The following LRRC9 variants were observed in gnomAD, a reference collection of about 807,000 sequenced individuals.
LRRC9 encodes leucine rich repeat containing 9.
Under a neutral mutation model 63.2 loss-of-function variants are expected in LRRC9, and 122 were observed. The ratio of observed to expected loss-of-function variants is 1.93; its 90% CI spans 1.67 to 2.24. LRRC9 has a LOEUF of 2.24. Ranked by LOEUF, LRRC9 falls within the 30% of genes most tolerant of loss-of-function variation. LRRC9 has a pLI of 0.00. For missense variants in LRRC9, 1,071 were observed against 627.7 expected, an observed-to-expected ratio of 1.71 and a Z score of -7.55; for synonymous variants, 366 against 213.1, an observed-to-expected ratio of 1.72 and a Z score of -6.25.
At chr14:59,945,677 T>A (rs1048357205) in intron 8 of LRRC9, among the ~76,000 whole-genome samples, 10 of 151,970 alleles carry the variant, frequency 6.6e-5, no homozygotes. Flanking sequence ...AAAAAATGTC[T>A]TCAACAAACA....
chr14:59,955,914 A>G (rs1173451412), intron 8 of LRRC9, among the ~76,000 whole-genome samples: 1 of 152,156 alleles, frequency 6.6e-6, no homozygotes, highest in Non-Finnish European at 1.5e-5. Flanking sequence ...ATTATTCAGG[A>G]GCAGGTTGTC....
chr14:60,024,683 A>T (rs1338916615), intron 27 of LRRC9, among the ~76,000 whole-genome samples: 1 of 152,018 alleles, frequency 6.6e-6, no homozygotes, highest in African/African-American at 2.4e-5. Context: ...TTAAAAAAAT[A>T]ATTATTTTAG....
rs913702216 is a variant in LRRC9 at position 60,060,178 on chromosome 14, G to A, written c.4276+2156G>A. Among the ~76,000 whole-genome samples, 1 of 152,130 alleles carries A rather than the reference G, an allele frequency of 6.6e-6. No homozygotes were observed. The highest frequency in any genetic ancestry group is 6.5e-5 in the Admixed American group (1 of 15,272). On this transcript the variant is annotated intron_variant, in intron 31 of 31. Coordinates refer to ENST00000445360, the Ensembl canonical transcript of LRRC9. The surrounding 1 kb of genome is among the most constrained non-coding windows in gnomAD (Gnocchi z 4.0). Reference sequence around the variant, plus strand: ...TATGCTCTATCAATGTACAAAGCTTGGATAACAGCACATCTGTTTACAGCA... The same window carrying A: ...TATGCTCTATCAATGTACAAAGCTTAGATAACAGCACATCTGTTTACAGCA...
chr14:59,990,512 C>A lies in LRRC9; in HGVS notation c.2211+5288C>A, dbSNP rs1887971083. 1.3e-5 allele frequency among the ~76,000 whole-genome samples: 2 copies of A among 151,942 alleles called. No individual in the cohort carries two copies. The highest frequency in any genetic ancestry group is 6.6e-5 in the Admixed American group (1 of 15,258). Reference sequence around the variant, plus strand: ...CCTCAACTTCCTGGGCTCAAGTGATCCCCTTGCCTCAGCCTCCTGGGTAGC... The same window carrying A: ...CCTCAACTTCCTGGGCTCAAGTGATACCCTTGCCTCAGCCTCCTGGGTAGC... On this transcript the variant is annotated intron_variant, in intron 17 of 31. Coordinates refer to ENST00000445360, the Ensembl canonical transcript of LRRC9. The surrounding 1 kb of genome is among the most constrained non-coding windows in gnomAD (Gnocchi z 4.2).
At chr14:60,040,007 C>T (rs1015561190) in intron 29 of LRRC9, among the ~76,000 whole-genome samples, 8 of 151,818 alleles carry the variant, frequency 5.3e-5, no homozygotes, top group African/African-American at 9.7e-5. Flanking sequence ...ATTTCTGCCT[C>T]CATTTTGTTA....
At chr14:59,940,042 G>A (rs1881590269) in intron 7 of LRRC9, among the ~76,000 whole-genome samples, 1 of 151,978 alleles carries the variant, frequency 6.6e-6, no homozygotes, top group Non-Finnish European at 1.5e-5. Context: ...GAAGGAGCCT[G>A]CAGAGGAGAC....
intron 1 of LRRC9, among the ~76,000 whole-genome samples, chr14:59,925,493 A>G (rs1889136087): frequency 6.6e-6 from 1 of 152,194 alleles, no homozygotes; most frequent in Non-Finnish European, 1.5e-5. Flanking sequence ...GCCATTTGGA[A>G]GGGGAGGAGC....
intron 9 of LRRC9, 23 bp downstream of exon 9, chr14:59,960,037 T>G: frequency 1.6e-6 from 1 of 630,526 alleles, no homozygotes; most frequent in Middle Eastern, 2.7e-4. Context: ...AATTATCTAG[T>G]TGTTCTGATC....
At chr14:60,016,886 TATA>T in intron 24 of LRRC9, 96 bp downstream of exon 24, 1 of 527,886 alleles carries the variant, frequency 1.9e-6, no homozygotes, top group Non-Finnish European at 3.4e-6. Flanking sequence ...CTTACCTAAA[TATA>T]ATCAATAATT....
intron 22 of LRRC9, among the ~76,000 whole-genome samples, chr14:60,007,164 G>A (rs951939861): frequency 1.3e-5 from 2 of 152,120 alleles, no homozygotes; most frequent in Non-Finnish European, 2.9e-5. Context: ...TCCTTTTGCT[G>A]ATACAATATT....
chr14:59,998,776 C>T (rs2140192209), intron 18 of LRRC9, among the ~76,000 whole-genome samples: 1 of 152,172 alleles, frequency 6.6e-6, no homozygotes, highest in South Asian at 2.1e-4. Flanking sequence ...TATTGAATCA[C>T]ACATGGAGAT....
In LRRC9 at chr14:60,058,612, G is replaced by A. The variant is rs1275513284; in HGVS notation, c.4276+590G>A. On this transcript the variant is annotated intron_variant, in intron 31 of 31. Transcript: ENST00000445360. The surrounding 1 kb of genome is among the most constrained non-coding windows in gnomAD (Gnocchi z 4.4). ...AAATTTTAGTTCAAGTTTAGAATAA[G>A]CCTGTTCCCTAATTCCACATCTTTT... 6.6e-6 allele frequency among the ~76,000 whole-genome samples: 1 copy of A among 152,144 alleles called. No individual in the cohort carries two copies. Among genetic ancestry groups the A allele is most frequent in the African/African-American group, 2.4e-5 (1 of 41,426 alleles).
At chr14:60,041,864 T>TC (rs1162634162) in intron 29 of LRRC9, among the ~76,000 whole-genome samples, 1 of 152,234 alleles carries the variant, frequency 6.6e-6, no homozygotes, top group Non-Finnish European at 1.5e-5. Context: ...CTCTGTTTTT[T>TC]CCCCATCTTT....
intron 8 of LRRC9, among the ~76,000 whole-genome samples, chr14:59,955,043 G>T (rs767593101): frequency 1.3e-5 from 2 of 152,158 alleles, no homozygotes; most frequent in Non-Finnish European, 2.9e-5. Flanking sequence ...GATTTGGTTT[G>T]CCAGTATTTT....
chr14:60,023,110 G>C (rs566723990), intron 27 of LRRC9, among the ~76,000 whole-genome samples: 1 of 151,278 alleles, frequency 6.6e-6, no homozygotes, highest in African/African-American at 2.4e-5. Context: ...CTTGTATATC[G>C]TATTCAACTT....
intron 7 of LRRC9, among the ~76,000 whole-genome samples, chr14:59,940,502 C>A (rs1028722551): frequency 1.3e-5 from 2 of 152,008 alleles, no homozygotes; most frequent in Non-Finnish European, 2.9e-5. Context: ...ACCAGGAGGA[C>A]CACCAAAGAG....
intron 29 of LRRC9, among the ~76,000 whole-genome samples, chr14:60,038,366 A>G (rs1263000022): frequency 6.6e-6 from 1 of 152,120 alleles, no homozygotes; most frequent in African/African-American, 2.4e-5. Context: ...CAGTATGGCC[A>G]TTTTCACAAT....
Position 59,927,939 on chromosome 14 carries a change from G to T in LRRC9, c.-5G>T. On this transcript the variant is annotated 5_prime_UTR_variant, in exon 2 of 32. The change abolishes an upstream ATG in the 5' untranslated region. Transcript: ENST00000445360. This position sits in a 1 kb window ranked among gnomAD's most constrained non-coding sequence, Gnocchi z 4.4. ...TAATATTATGATCACTGTTTTTAAT[G>T]GAAGATGATTGAAAGTGAAAACCTA... 1 of 672,744 alleles carries T rather than the reference G, an allele frequency of 1.5e-6. No individual in the cohort carries two copies. The highest frequency in any genetic ancestry group is 2.7e-6 in the Non-Finnish European group (1 of 372,678). The allele number at this position is 672,744 out of a possible 1,614,324, so 41.7% of individuals were successfully genotyped here.
At chr14:60,062,165 C>T (rs976759997) in intron 31 of LRRC9, 2 of 398,472 alleles carry the variant, frequency 5.0e-6, no homozygotes, top group African/African-American at 4.1e-5. Flanking sequence ...ACCAGAGCAA[C>T]CAAGATAAGA....
Sources: allele counts gnomAD v4.1 joint callset (sites outside exome capture counted in the v4.1 genomes callset), GRCh38; gene constraint gnomAD v4.1.1; non-coding constraint Gnocchi (gnomAD v3.1); transcripts MANE v1.5; gene names NCBI Gene and HGNC (gene_info 2026-07-23, HGNC 2026-07-21).